Variants in BMPER observed in about 807,000 individuals in gnomAD.
BMPER encodes the protein BMP-binding endothelial regulator protein.
In BMPER, 45 loss-of-function variants were observed where a neutral mutation model predicts 87.3. That is an observed-to-expected ratio of 0.52 (90% CI 0.41 to 0.66). The LOEUF is 0.66. BMPER is among the 30% of genes least tolerant of loss of function. BMPER has a pLI of 0.00. For synonymous variants in BMPER, 326 were observed against 316.2 expected (o/e 1.03, Z -0.33); for missense variants, 784 against 867.5 (o/e 0.90, Z 1.21).
intron 6 of BMPER, among the ~76,000 whole-genome samples, chr7:33,999,925 A>G (rs538136585): frequency 6.6e-6 from 1 of 152,328 alleles, no homozygotes; most frequent in South Asian, 2.1e-4. Flanking sequence ...TCAGAAATGA[A>G]GTGGAGACCT....
At chr7:33,952,545 C>A (rs1027361528) in intron 3 of BMPER, among the ~76,000 whole-genome samples, 5 of 152,160 alleles carry the variant, frequency 3.3e-5, no homozygotes, top group African/African-American at 1.2e-4. Flanking sequence ...GACACCGAAG[C>A]CCCTGCAGTC....
At chr7:34,090,219 C>T (rs1187310613) in intron 13 of BMPER, among the ~76,000 whole-genome samples, 1 of 152,158 alleles carries the variant, frequency 6.6e-6, no homozygotes, top group Non-Finnish European at 1.5e-5. Context: ...TTTATTAGTG[C>T]ATTATAGAAA....
At chr7:33,953,860 G>A (rs190240459) in intron 3 of BMPER, among the ~76,000 whole-genome samples, 207 of 152,118 alleles carry the variant, frequency 1.4e-3, no homozygotes, top group African/African-American at 4.7e-3. Context: ...TTATGAATTT[G>A]CCTGTTCTAG....
intron 8 of BMPER, among the ~76,000 whole-genome samples, chr7:34,054,261 T>A (rs1788220068): frequency 6.6e-6 from 1 of 152,108 alleles, no homozygotes; most frequent in Admixed American, 6.5e-5. Flanking sequence ...GATATGTACA[T>A]AAAGCACGCT....
At chr7:34,141,565 G>C (rs1391794183) in intron 13 of BMPER, among the ~76,000 whole-genome samples, 5 of 129,424 alleles carry the variant, frequency 3.9e-5, no homozygotes, top group Non-Finnish European at 7.7e-5. Flanking sequence ...AGCTGAGATC[G>C]CACCATTGCA....
intron 2 of BMPER, chr7:33,921,635 G>C (rs1331229561): frequency 2.4e-6 from 1 of 423,346 alleles, no homozygotes; most frequent in Non-Finnish European, 5.0e-6. Context: ...CTTTGGGTGG[G>C]ACAGGCTGAC....
chr7:34,019,472 C>T (rs1179559606), intron 6 of BMPER, among the ~76,000 whole-genome samples: 1 of 152,000 alleles, frequency 6.6e-6, no homozygotes, highest in Non-Finnish European at 1.5e-5. Flanking sequence ...ATCATTTATA[C>T]GCCCAACCTC....
intron 13 of BMPER, among the ~76,000 whole-genome samples, chr7:34,140,649 G>A (rs1248797596): frequency 3.0e-5 from 2 of 67,508 alleles, no homozygotes; most frequent in African/African-American, 3.6e-5. Context: ...TCTCTCAACA[G>A]TCTCAATGAT....
At chr7:33,948,510 A>G (rs1480812526) in intron 3 of BMPER, among the ~76,000 whole-genome samples, 1 of 152,080 alleles carries the variant, frequency 6.6e-6, no homozygotes, top group African/African-American at 2.4e-5. Flanking sequence ...TCCCCACCCA[A>G]ATCTCATGTT....
chr7:34,148,521 G>A (rs147745778), intron 14 of BMPER, among the ~76,000 whole-genome samples: 1,413 of 103,134 alleles, frequency 0.014, 14 homozygotes, highest in African/African-American at 0.039. Flanking sequence ...CTGGCACATA[G>A]ATACTCAGCA....
At chr7:33,969,092 A>G (rs1785472877) in intron 4 of BMPER, among the ~76,000 whole-genome samples, 1 of 152,212 alleles carries the variant, frequency 6.6e-6, no homozygotes, top group Non-Finnish European at 1.5e-5. Context: ...CAGGCCTGAC[A>G]TGATATGAAA....
At chr7:33,911,576 G>A (rs368873915) in intron 2 of BMPER, among the ~76,000 whole-genome samples, 169 of 152,292 alleles carry the variant, frequency 1.1e-3, no homozygotes, top group African/African-American at 4.0e-3. Context: ...AAAGACATGG[G>A]TTTTGGCTGG....
At chr7:33,929,480 A>C (rs1784432700) in intron 2 of BMPER, among the ~76,000 whole-genome samples, 1 of 152,180 alleles carries the variant, frequency 6.6e-6, no homozygotes, top group African/African-American at 2.4e-5. Context: ...CATTATTTTT[A>C]CTTCTGTGTT....
At chr7:33,927,247 T>C (rs1387419794) in intron 2 of BMPER, among the ~76,000 whole-genome samples, 3 of 152,342 alleles carry the variant, frequency 2.0e-5, no homozygotes, top group East Asian at 3.9e-4. Context: ...AAAAATCTTC[T>C]GTTTCATTGG....
intron 9 of BMPER, among the ~76,000 whole-genome samples, chr7:34,056,324 G>A (rs1362550245): frequency 6.6e-6 from 1 of 152,068 alleles, no homozygotes; most frequent in Non-Finnish European, 1.5e-5. Context: ...GATAGGTGGA[G>A]TAAACCACTA....
intron 13 of BMPER, among the ~76,000 whole-genome samples, chr7:34,102,841 A>G (rs568564182): frequency 1.3e-5 from 2 of 152,244 alleles, no homozygotes; most frequent in African/African-American, 2.4e-5. Flanking sequence ...ATATGAGGTG[A>G]TTGCCACAAA....
chr7:33,993,621 T>C (rs1477610705), intron 6 of BMPER, among the ~76,000 whole-genome samples: 1 of 152,110 alleles, frequency 6.6e-6, no homozygotes, highest in Non-Finnish European at 1.5e-5. Flanking sequence ...TCTCAGCTCG[T>C]CAAAGTCATT....
chr7:34,035,180 G>A (rs908419320), intron 6 of BMPER, among the ~76,000 whole-genome samples: 1 of 152,164 alleles, frequency 6.6e-6, no homozygotes, highest in Admixed American at 6.5e-5. Flanking sequence ...GTCTCTCTGC[G>A]CAGTGTTCCT....
chr7:34,110,252 G>C (rs1789924555), intron 13 of BMPER, among the ~76,000 whole-genome samples: 1 of 152,160 alleles, frequency 6.6e-6, no homozygotes, highest in African/African-American at 2.4e-5. Context: ...ACTTCAAATT[G>C]TGGATCCCAA....
Sources: allele counts gnomAD v4.1 joint callset (sites outside exome capture counted in the v4.1 genomes callset), GRCh38; gene constraint gnomAD v4.1.1; transcripts MANE v1.5; gene names NCBI Gene and HGNC (gene_info 2026-07-23, HGNC 2026-07-21).